Variants in DNAH17 observed in about 807,000 individuals in gnomAD.
The protein encoded by DNAH17 is dynein axonemal heavy chain 17.
Under a neutral mutation model 485.6 loss-of-function variants are expected in DNAH17, and 376 were observed. The observed-to-expected ratio is 0.77, with a 90% CI of 0.71 to 0.84. The LOEUF (loss-of-function observed/expected upper bound fraction) is 0.84, where lower values mean the gene tolerates loss of function less well. DNAH17 is among the 40% of genes least tolerant of loss of function. DNAH17 has a pLI of 0.00. For missense variants in DNAH17, 6,370 were observed against 5,839.3 expected, an observed-to-expected ratio of 1.09 and a Z score of -2.96; for synonymous variants, 3,031 against 2,405.9, an observed-to-expected ratio of 1.26 and a Z score of -7.60.
At chr17:78,576,845 A>G (rs1207832615) in intron 1 of DNAH17, among the ~76,000 whole-genome samples, 1 of 152,136 alleles carries the variant, frequency 6.6e-6, no homozygotes, top group Admixed American at 6.6e-5. Flanking sequence ...AGTTTCTTGC[A>G]CGATCGGGAG....
Position 78,457,169 on chromosome 17 carries a change from G to A in DNAH17, c.9978-1333C>T, listed in dbSNP as rs1218463833. Among the ~76,000 whole-genome samples the A allele has an allele frequency of 2.0e-5, 3 of 152,314 alleles. 1 individual carries two copies. Among genetic ancestry groups the A allele is most frequent in the East Asian group, 3.9e-4 (2 of 5,178 alleles). On this transcript the variant is annotated intron_variant, in intron 62 of 80. Transcript: ENST00000389840. ...GTGGATCACCTGAGGTCAGGAGTTC[G>A]AGACCACCCCGGCCAACATGGTGAA...
chr17:78,506,566 C>T (rs536179412), intron 30 of DNAH17, among the ~76,000 whole-genome samples, 154 bp downstream of exon 30: 68 of 152,260 alleles, frequency 4.5e-4, no homozygotes, highest in Non-Finnish European at 7.9e-4. Context: ...TGGCTGGGGA[C>T]CCCAGGGCAG....
intron 11 of DNAH17, among the ~76,000 whole-genome samples, chr17:78,562,647 C>T (rs1197284086): frequency 6.6e-6 from 1 of 152,126 alleles, no homozygotes; most frequent in Admixed American, 6.6e-5. Context: ...CAAAACAACT[C>T]CAAGTAAACA....
At position 78,479,591 on chromosome 17, in the gene DNAH17, C is replaced by G; in HGVS notation, c.7794G>C (p.Glu2598Asp). Residue 2598 changes from glutamate to aspartate, a missense_variant, in exon 50 of 81, where the codon GAG (glutamate) becomes GAC (aspartate). Glu to Asp is a conservative substitution (Grantham distance 45). Coordinates refer to ENST00000389840, the MANE Select transcript of DNAH17 (RefSeq NM_173628.4). ...TTGTGTTGTAGATGGTGGTGAGGGC[C>G]TCCTGGCCGGGGAAGCTCACAGCAA... Reference protein sequence around the residue: ...CVFAVSFPGQEALTTIYNTIL... With the variant: ...CVFAVSFPGQDALTTIYNTIL... 1 of 1,613,500 alleles carries G rather than the reference C, an allele frequency of 6.2e-7. No individual in the cohort carries two copies. The highest frequency in any genetic ancestry group is 8.5e-7 in the Non-Finnish European group (1 of 1,179,822).
chr17:78,530,595 C>T (rs1160331356), intron 20 of DNAH17, 83 bp from the exon 21 acceptor site: 6 of 1,435,722 alleles, frequency 4.2e-6, no homozygotes, highest in Non-Finnish European at 5.6e-6. Flanking sequence ...CCAGGGCCTT[C>T]CTGCACTGCA....
At chr17:78,511,543 C>T (rs766518253) in intron 26 of DNAH17, among the ~76,000 whole-genome samples, 3 of 152,250 alleles carry the variant, frequency 2.0e-5, no homozygotes, top group African/African-American at 4.8e-5. Flanking sequence ...ATCACAGGTA[C>T]TGTTACTCTA....
At chr17:78,495,369 C>T (rs751554130) in intron 38 of DNAH17, among the ~76,000 whole-genome samples, 3 of 151,992 alleles carry the variant, frequency 2.0e-5, no homozygotes, top group African/African-American at 2.4e-5. Flanking sequence ...GTCCCAGGTG[C>T]GGTCCTCCCA....
intron 31 of DNAH17, among the ~76,000 whole-genome samples, chr17:78,503,229 G>C (rs1277105326): frequency 7.3e-6 from 1 of 137,920 alleles, no homozygotes; most frequent in African/African-American, 2.7e-5. Context: ...ACCCAGGCTG[G>C]AGTGCAGTGG....
At chr17:78,424,737 T>G (rs950936317) in intron 80 of DNAH17, among the ~76,000 whole-genome samples, 47 of 152,204 alleles carry the variant, frequency 3.1e-4, no homozygotes, top group African/African-American at 1.0e-3. Flanking sequence ...TGGGGTGACG[T>G]CAGCTGTTGA....
At chr17:78,428,069 C>G (rs2086540125) in intron 77 of DNAH17, among the ~76,000 whole-genome samples, 1 of 149,098 alleles carries the variant, frequency 6.7e-6, no homozygotes, top group Admixed American at 6.6e-5. Flanking sequence ...CTGAACTCTT[C>G]TAATCCTTTG....
In DNAH17 at chr17:78,485,656, C is replaced by A. The variant is rs747651763; in HGVS notation, c.7377G>T (p.Thr2459=). 1 of 1,614,002 alleles carries A rather than the reference C, an allele frequency of 6.2e-7. No individual in the cohort carries two copies. ...TGTCCCCCATCAGCACCGACTTGCCCGTCCCCGCGTTCCCCACCAGCATCA... is the reference window on the plus strand; with the variant it reads ...TGTCCCCCATCAGCACCGACTTGCCAGTCCCCGCGTTCCCCACCAGCATCA... ...WPVMLVGNAG[T]GKSVLMGDKL... The change falls in exon 47 of 81, where the codon ACG becomes ACT. Residue 2459 remains threonine, a synonymous_variant. Coordinates refer to ENST00000389840, the MANE Select transcript of DNAH17 (RefSeq NM_173628.4).
rs539010694 is a variant in DNAH17, at chr17:78,504,295, C to T, written c.4956+998G>A. Among the ~76,000 whole-genome samples the T allele has an allele frequency of 5.3e-5, 8 of 152,154 alleles. 1 individual carries two copies. The South Asian group carries it at 1.7e-3, about 32-fold the overall frequency. ...AGCCAGGCTGGTCTTGAACTCCCGA[C>T]CTCAGATGATCCGCCCACCTCGACC... On this transcript the variant is annotated intron_variant, in intron 31 of 80. Coordinates refer to ENST00000389840, the MANE Select transcript of DNAH17 (RefSeq NM_173628.4).
intron 9 of DNAH17, 52 bp downstream of exon 9, chr17:78,569,114 G>C: frequency 7.0e-7 from 1 of 1,429,136 alleles, no homozygotes; most frequent in Non-Finnish European, 9.7e-7. Flanking sequence ...GTGTCCTAGG[G>C]TAGGAGCAGT....
At position 78,450,399 on chromosome 17, in the gene DNAH17, A is replaced by T; in HGVS notation, c.10900-5T>A. 1 of 1,613,650 alleles carries T rather than the reference A, an allele frequency of 6.2e-7. No homozygotes were observed. Among genetic ancestry groups the T allele is most frequent in the Non-Finnish European group, 8.5e-7 (1 of 1,179,782 alleles). On this transcript the variant is annotated splice_polypyrimidine_tract_variant and splice_region_variant and intron_variant, in intron 67 of 80. Coordinates refer to ENST00000389840, the MANE Select transcript of DNAH17 (RefSeq NM_173628.4). ...TGTGATTTTTGCCTCCACCACCTCG[A>T]CACAAACAAAAGGGGTGTGAATGAC...
chr17:78,568,944 G>A (rs2092310454), intron 9 of DNAH17, among the ~76,000 whole-genome samples: 1 of 152,188 alleles, frequency 6.6e-6, no homozygotes, highest in South Asian at 2.1e-4. Flanking sequence ...CGAGATAAGG[G>A]GAGAAGCACC....
intron 54 of DNAH17, among the ~76,000 whole-genome samples, chr17:78,472,507 C>T (rs187367225): frequency 1.5e-3 from 222 of 152,244 alleles, no homozygotes; most frequent in African/African-American, 4.9e-3. Flanking sequence ...GCTGAGACCA[C>T]GGCCCCTCAT....
At chr17:78,504,408 C>T (rs2090415077) in intron 31 of DNAH17, among the ~76,000 whole-genome samples, 1 of 152,092 alleles carries the variant, frequency 6.6e-6, no homozygotes, top group Non-Finnish European at 1.5e-5. Flanking sequence ...GCAGGCCTCG[C>T]TGTGGTCTGC....
chr17:78,476,639 A>G lies in DNAH17; in HGVS notation c.8087T>C (p.Met2696Thr), dbSNP rs750958626. ...HETERVYGDK[M>T]VDEKDQETLH... ...TGTTTCCTGGTCTTTTTCGTCAACC[A>G]TTTTGTCACCATACACTCGTTCAGT... The change falls in exon 52 of 81, where the codon ATG becomes ACG. Residue 2696 changes from methionine (M) to threonine (T), a missense_variant. Coordinates refer to ENST00000389840, the MANE Select transcript of DNAH17 (RefSeq NM_173628.4). 25 of 1,612,260 alleles carry G rather than the reference A, an allele frequency of 1.6e-5. No individual in the cohort carries two copies. Among genetic ancestry groups the G allele is most frequent in the Non-Finnish European group, 1.4e-5 (17 of 1,179,250 alleles).
chr17:78,475,215 G>A lies in DNAH17; in HGVS notation c.8511+63C>T, dbSNP rs75669284. 3,222 of 1,553,086 alleles carry A rather than the reference G, an allele frequency of 2.1e-3. 63 individuals are homozygous for A. In the African/African-American group the frequency reaches 0.04, roughly 19 times the overall value. ...CTGGCTTCATTTTGGAAAAGGGAGTGAAGTTTTTCTTTACTCCCTGACCCT... is the reference window on the plus strand; with the variant it reads ...CTGGCTTCATTTTGGAAAAGGGAGTAAAGTTTTTCTTTACTCCCTGACCCT... On this transcript the variant is annotated intron_variant, in intron 54 of 80. Transcript: ENST00000389840.
Sources: allele counts gnomAD v4.1 joint callset (sites outside exome capture counted in the v4.1 genomes callset), GRCh38; gene constraint gnomAD v4.1.1; transcripts MANE v1.5; gene names NCBI Gene and HGNC (gene_info 2026-07-23, HGNC 2026-07-21).